RBFOX1: variants seen among roughly 807,000 people sequenced by gnomAD.
RBFOX1 encodes RNA binding fox-1 homolog 1, also known as RNA binding protein fox-1 homolog 1.
RBFOX1 carries 8 observed loss-of-function variants against 57.7 expected under a neutral mutation model. The ratio of observed to expected loss-of-function variants is 0.14; its 90% confidence interval spans 0.08 to 0.25. RBFOX1 has a LOEUF of 0.25. Ranked by LOEUF, RBFOX1 falls within the 10% of genes least tolerant of loss-of-function variation. The pLI is 1.00. For missense variants in RBFOX1, 611 were observed against 548.5 expected, an observed-to-expected ratio of 1.11 and a Z score of -1.14; for synonymous variants, 326 against 222.4, an observed-to-expected ratio of 1.47 and a Z score of -4.15.
At chr16:6,946,366 G>T (rs2079520969) in intron 3 of RBFOX1, among the ~76,000 whole-genome samples, 1 of 152,188 alleles carries the variant, frequency 6.6e-6, no homozygotes, top group African/African-American at 2.4e-5. Flanking sequence ...GCCCTGTACT[G>T]GGCCTATATT....
At chr16:7,098,247 A>G (rs1037022950) in intron 4 of RBFOX1, among the ~76,000 whole-genome samples, 5 of 152,152 alleles carry the variant, frequency 3.3e-5, no homozygotes, top group Non-Finnish European at 5.9e-5. Flanking sequence ...TTGGCCCATT[A>G]CAACCTCCGC....
intron 3 of RBFOX1, among the ~76,000 whole-genome samples, chr16:6,835,752 TA>T (rs56299805): frequency 0.25 from 18,425 of 74,564 alleles, 2,282 homozygotes; most frequent in Non-Finnish European, 0.32. Flanking sequence ...AGACTCTGCT[TA>T]AAAAAAAAAA....
At chr16:7,686,394 C>T (rs1185645987) in intron 14 of RBFOX1, among the ~76,000 whole-genome samples, 1 of 152,004 alleles carries the variant, frequency 6.6e-6, no homozygotes, top group Non-Finnish European at 1.5e-5. Flanking sequence ...GTTATCTTTT[C>T]TGCTCATGGA....
At position 5,812,298 on chromosome 16, in the gene RBFOX1, C is replaced by G. The variant is rs78633300; in HGVS notation, c.319-55005C>G. Among the ~76,000 whole-genome samples, 77 of 152,228 alleles carry G rather than the reference C, an allele frequency of 5.1e-4. 2 individuals are homozygous for G. In the East Asian group the frequency reaches 0.015, roughly 29 times the overall value. ...ATGTGCTTTTCTTTCTCTTGAGTAG[C>G]TAGAAGTAGAAAGGCTGGATCATTT... On this transcript the variant is annotated intron_variant, in intron 3 of 19. Coordinates refer to the RBFOX1 transcript ENST00000641259.
chr16:5,793,288 C>A (rs1217913113), intron 3 of RBFOX1, among the ~76,000 whole-genome samples: 1 of 152,242 alleles, frequency 6.6e-6, no homozygotes, highest in East Asian at 1.9e-4. Context: ...TCTCCCCTGG[C>A]CCGCCTCCGA....
intron 1 of RBFOX1, among the ~76,000 whole-genome samples, chr16:6,155,246 A>C (rs2096830278): frequency 6.6e-6 from 1 of 152,184 alleles, no homozygotes; most frequent in South Asian, 2.1e-4. Flanking sequence ...CCAGGAGACA[A>C]GCCCTAGGAG....
chr16:5,645,851 A>G (rs1187119229), intron 3 of RBFOX1, among the ~76,000 whole-genome samples: 3 of 152,136 alleles, frequency 2.0e-5, no homozygotes, highest in Non-Finnish European at 4.4e-5. Context: ...AAAAAATTTC[A>G]TAGACAAAGG....
intron 2 of RBFOX1, among the ~76,000 whole-genome samples, chr16:6,350,387 GCCGAGAT>G (rs2152843256): frequency 7.4e-6 from 1 of 134,636 alleles, no homozygotes; most frequent in East Asian, 2.5e-4. Context: ...GTTGCTGTGA[GCCGAGAT>G]CGCACCATTG....
chr16:7,169,153 T>A (rs1223755460), intron 4 of RBFOX1, among the ~76,000 whole-genome samples: 1 of 152,194 alleles, frequency 6.6e-6, no homozygotes. Flanking sequence ...CACCAATAAT[T>A]GTTTCAAATT....
At chr16:6,204,227 C>G (rs1027455564) in intron 1 of RBFOX1, among the ~76,000 whole-genome samples, 13 of 152,078 alleles carry the variant, frequency 8.5e-5, no homozygotes, top group African/African-American at 3.1e-4. Flanking sequence ...GAGAGTTTTA[C>G]AAGCTTTAAA....
intron 3 of RBFOX1, among the ~76,000 whole-genome samples, chr16:6,727,452 C>A (rs1221042728): frequency 6.6e-6 from 1 of 151,876 alleles, no homozygotes; most frequent in Non-Finnish European, 1.5e-5. Context: ...TCCCCCGCTG[C>A]TTCCACCTAC....
At chr16:5,336,638 T>C (rs1397534782) in intron 1 of RBFOX1, among the ~76,000 whole-genome samples, 1 of 152,198 alleles carries the variant, frequency 6.6e-6, no homozygotes, top group Non-Finnish European at 1.5e-5. Flanking sequence ...TGTGCTTGGC[T>C]GCCCTTGGAG....
intron 2 of RBFOX1, among the ~76,000 whole-genome samples, chr16:5,590,961 A>C (rs1252944153): frequency 6.6e-6 from 1 of 151,202 alleles, no homozygotes; most frequent in East Asian, 1.9e-4. Context: ...CACTGAAAGG[A>C]CTCCTGTCGT....
At chr16:6,774,019 C>T in intron 3 of RBFOX1, 1 of 985,120 alleles carries the variant, frequency 1.0e-6, no homozygotes, top group Non-Finnish European at 1.2e-6. Context: ...ACCAGGTAAT[C>T]ACAGTTTGCT....
chr16:6,758,226 G>A (rs866245282), intron 3 of RBFOX1, among the ~76,000 whole-genome samples: 5 of 151,988 alleles, frequency 3.3e-5, no homozygotes, highest in Non-Finnish European at 5.9e-5. Context: ...TTGAGATATT[G>A]GGAAGCTACT....
intron 4 of RBFOX1, among the ~76,000 whole-genome samples, chr16:7,505,278 T>C (rs575203685): frequency 1.6e-4 from 24 of 150,290 alleles, no homozygotes; most frequent in African/African-American, 5.4e-4. Context: ...ACAAGGTTCC[T>C]ATACTCATAG....
chr16:6,881,655 A>C (rs2062958275), intron 3 of RBFOX1, among the ~76,000 whole-genome samples: 1 of 152,184 alleles, frequency 6.6e-6, no homozygotes, highest in Admixed American at 6.5e-5. Context: ...TCTTCAAATA[A>C]AGTCACATTC....
intron 2 of RBFOX1, among the ~76,000 whole-genome samples, chr16:6,495,790 G>A (rs140944796): frequency 6.6e-6 from 1 of 152,162 alleles, no homozygotes; most frequent in African/African-American, 2.4e-5. Flanking sequence ...TCTCTCCTAT[G>A]GCAAACTCAA....
At chr16:5,316,550 G>C (rs567165449) in intron 1 of RBFOX1, among the ~76,000 whole-genome samples, 1 of 152,278 alleles carries the variant, frequency 6.6e-6, no homozygotes, top group South Asian at 2.1e-4. Flanking sequence ...CCAATAACTG[G>C]GGGACATTGG....
Sources: gnomAD v4.1 joint callset for allele counts (sites outside exome capture counted in the v4.1 genomes callset) on GRCh38, gnomAD v4.1.1 for gene constraint, MANE v1.5 for transcripts, NCBI Gene and HGNC (gene_info 2026-07-23, HGNC 2026-07-21) for gene names.